DNAJC6: variants seen among roughly 807,000 people sequenced by gnomAD.
DNAJC6 encodes DnaJ heat shock protein family (Hsp40) member C6, also known as auxilin.
Under a neutral mutation model 110.0 loss-of-function variants are expected in DNAJC6, and 34 were observed. The observed-to-expected ratio is 0.31, with a 90% confidence interval of 0.24 to 0.41. The LOEUF (loss-of-function observed/expected upper bound fraction) is 0.41. Among genes scored for constraint, DNAJC6 ranks in the 10% least tolerant of loss-of-function variants. The probability of loss-of-function intolerance (pLI) is 1.00; values close to 1 mark genes in which losing one functional copy is unlikely to be tolerated. For synonymous variants in DNAJC6, 406 were observed against 437.2 expected (o/e 0.93, Z 0.89); for missense variants, 1,031 against 1,207.8 (o/e 0.85, Z 2.17).
chr1:65,346,930 A>G (rs1418610132), intron 1 of DNAJC6, among the ~76,000 whole-genome samples: 1 of 151,826 alleles, frequency 6.6e-6, no homozygotes, highest in African/African-American at 2.4e-5. Flanking sequence ...CCTGCCTGCC[A>G]CACACACACA....
intron 1 of DNAJC6, among the ~76,000 whole-genome samples, chr1:65,330,819 A>G (rs1645282265): frequency 6.6e-6 from 1 of 152,216 alleles, no homozygotes; most frequent in Non-Finnish European, 1.5e-5. Context: ...TGGATGTTGT[A>G]TAAAGTAGCT....
intron 17 of DNAJC6, among the ~76,000 whole-genome samples, chr1:65,409,024 C>T (rs1283116597): frequency 6.6e-6 from 1 of 152,090 alleles, no homozygotes; most frequent in Non-Finnish European, 1.5e-5. Flanking sequence ...TGAGGGCCAT[C>T]TTCCTGGTTC....
chr1:65,358,198 A>C (rs1405821190), intron 1 of DNAJC6, among the ~76,000 whole-genome samples: 2 of 151,590 alleles, frequency 1.3e-5, no homozygotes, highest in Non-Finnish European at 1.5e-5. Context: ...AAAAAAAAAA[A>C]AACAAAACCT....
intron 1 of DNAJC6, among the ~76,000 whole-genome samples, chr1:65,293,603 T>C (rs1268132673): frequency 1.3e-5 from 2 of 152,134 alleles, no homozygotes; most frequent in East Asian, 3.9e-4. Flanking sequence ...TAAAATAATA[T>C]TGCATTGTGA....
At chr1:65,392,997 A>G in intron 12 of DNAJC6, 132 bp downstream of exon 12, 1 of 803,580 alleles carries the variant, frequency 1.2e-6, no homozygotes, top group Non-Finnish European at 1.7e-6. Flanking sequence ...GGAGGTCTGT[A>G]TCTTTATTTA....
At chr1:65,336,078 A>G (rs1294569841) in intron 1 of DNAJC6, among the ~76,000 whole-genome samples, 1 of 152,188 alleles carries the variant, frequency 6.6e-6, no homozygotes, top group African/African-American at 2.4e-5. Flanking sequence ...ACTAATAAAG[A>G]CATATCCAAG....
At chr1:65,347,300 T>C (rs573264499) in intron 1 of DNAJC6, among the ~76,000 whole-genome samples, 1 of 152,326 alleles carries the variant, frequency 6.6e-6, no homozygotes, top group South Asian at 2.1e-4. Flanking sequence ...CTTAATTTCA[T>C]CTTCTTTGGT....
chr1:65,335,108 C>CTT (rs71056100), intron 1 of DNAJC6, among the ~76,000 whole-genome samples: 2,522 of 142,922 alleles, frequency 0.018, 64 homozygotes, highest in African/African-American at 0.053. Context: ...CTATGTCTGT[C>CTT]TTTTTTTTTT....
At chr1:65,311,063 A>G (rs1308458219) in intron 1 of DNAJC6, among the ~76,000 whole-genome samples, 11 of 152,108 alleles carry the variant, frequency 7.2e-5, no homozygotes, top group Non-Finnish European at 1.3e-4. Context: ...GGGATGAAAT[A>G]TTGTCCACAG....
chr1:65,383,081 A>G (rs142086040), intron 5 of DNAJC6, among the ~76,000 whole-genome samples: 5 of 152,334 alleles, frequency 3.3e-5, no homozygotes, highest in African/African-American at 1.2e-4. Flanking sequence ...TCAACTCAAC[A>G]TATTCAGTAT....
intron 1 of DNAJC6, among the ~76,000 whole-genome samples, chr1:65,323,173 G>A (rs1031831641): frequency 4.6e-5 from 7 of 152,176 alleles, no homozygotes; most frequent in Non-Finnish European, 7.3e-5. Flanking sequence ...AATCCTCTGA[G>A]CCTCAGTTTC....
intron 5 of DNAJC6, among the ~76,000 whole-genome samples, chr1:65,382,595 C>T (rs1458573290): frequency 6.6e-6 from 1 of 152,144 alleles, no homozygotes; most frequent in Non-Finnish European, 1.5e-5. Flanking sequence ...AAAAATTAAA[C>T]ATATTTGCAC....
intron 15 of DNAJC6, among the ~76,000 whole-genome samples, chr1:65,402,296 C>T (rs536552828): frequency 3.3e-5 from 5 of 152,328 alleles, no homozygotes; most frequent in African/African-American, 9.6e-5. Flanking sequence ...ATCTTCACAC[C>T]GTTCCCCTTC....
Position 65,380,911 on chromosome 1 carries a change from G to GTTTTTTTTTTTTTTTTTT in DNAJC6, c.666+1391_666+1392insTTTTTTTTTTTTTTTTTT, listed in dbSNP as rs1312055301. The stretch of plus-strand genomic sequence containing the variant: ...GGGAGTTTTTTTTTTTTTGTTTTTT[G>GTTTTTTTTTTTTTTTTTT]TTTTGTTTTGTTTTTTTTTTTTTTT... On this transcript the variant is annotated intron_variant, in intron 5 of 18. Coordinates refer to ENST00000371069, the MANE Select transcript of DNAJC6 (RefSeq NM_001256864.2). 1.1e-3 allele frequency among the ~76,000 whole-genome samples: 125 copies of GTTTTTTTTTTTTTTTTTT among 114,878 alleles called. 23 individuals are homozygous for GTTTTTTTTTTTTTTTTTT. Among genetic ancestry groups the GTTTTTTTTTTTTTTTTTT allele is most frequent in the African/African-American group, 5.1e-3 (118 of 23,280 alleles). 75.4% of individuals were successfully genotyped at this position (114,878 alleles called of 152,430 possible).
At chr1:65,354,676 C>T (rs932827463) in intron 1 of DNAJC6, among the ~76,000 whole-genome samples, 3 of 152,120 alleles carry the variant, frequency 2.0e-5, no homozygotes, top group African/African-American at 7.2e-5. Context: ...CTCATGTGTG[C>T]ACGTACAGAT....
intron 1 of DNAJC6, among the ~76,000 whole-genome samples, chr1:65,302,567 C>T (rs1416883211): frequency 8.5e-6 from 1 of 117,138 alleles, no homozygotes; most frequent in Non-Finnish European, 1.6e-5. Context: ...CTCGCTCTGT[C>T]GCCCAGGCCG....
chr1:65,375,558 T>C (rs972038868), intron 4 of DNAJC6, among the ~76,000 whole-genome samples: 2 of 151,742 alleles, frequency 1.3e-5, no homozygotes, highest in African/African-American at 4.8e-5. Context: ...CCCGAGTAAC[T>C]CGGACTACAG....
At chr1:65,407,039 C>T (rs771640221) in intron 16 of DNAJC6, among the ~76,000 whole-genome samples, 1 of 152,106 alleles carries the variant, frequency 6.6e-6, no homozygotes, top group Non-Finnish European at 1.5e-5. Context: ...TTTCAGTTAC[C>T]TGAGGTCAAC....
chr1:65,318,573 G>A (rs1645168739), intron 1 of DNAJC6, among the ~76,000 whole-genome samples: 1 of 152,224 alleles, frequency 6.6e-6, no homozygotes, highest in Admixed American at 6.5e-5. Flanking sequence ...GGAGCTGGAA[G>A]CTGTTATCCT....
Sources: gnomAD v4.1 joint callset for allele counts (sites outside exome capture counted in the v4.1 genomes callset) on GRCh38, gnomAD v4.1.1 for gene constraint, MANE v1.5 for transcripts, NCBI Gene and HGNC (gene_info 2026-07-23, HGNC 2026-07-21) for gene names.